The following AGO1 variants were observed in gnomAD, a reference collection of about 807,000 sequenced individuals.
AGO1 encodes protein argonaute-1.
AGO1 carries 11 observed loss-of-function variants against 109.2 expected under a neutral mutation model. The observed-to-expected ratio is 0.10, with a 90% CI of 0.06 to 0.17. The LOEUF (loss-of-function observed/expected upper bound fraction) is 0.17, where lower values mean the gene tolerates loss of function less well. Ranked by LOEUF, AGO1 falls within the 10% of genes least tolerant of loss-of-function variation. AGO1 has a pLI of 1.00. For synonymous variants in AGO1, 422 were observed against 418.6 expected, an observed-to-expected ratio of 1.01 and a Z score of -0.10; for missense variants, 574 against 1,140.3, an observed-to-expected ratio of 0.50 and a Z score of 7.15.
intron 14 of AGO1, 44 bp downstream of exon 14, chr1:35,914,318 C>T (rs1347370524): frequency 1.3e-6 from 2 of 1,517,500 alleles, no homozygotes; most frequent in Non-Finnish European, 9.1e-7. Flanking sequence ...CTCCTCTTCG[C>T]TCTGAGTCCT....
At position 35,888,713 on chromosome 1, in the gene AGO1, C is replaced by A; in HGVS notation, c.209+103C>A. On this transcript the variant is annotated intron_variant, in intron 2 of 18. Transcript: ENST00000373204. This position sits in a 1 kb window ranked among gnomAD's most constrained non-coding sequence, Gnocchi z 4.1. The stretch of plus-strand genomic sequence containing the variant: ...CCAGTAGAGGGTAGTATCACCAAAT[C>A]TAAGGAAGTTTTTGAACGGGAGATG... 1 of 1,342,866 alleles carries A rather than the reference C, an allele frequency of 7.4e-7. No homozygotes were observed. Among genetic ancestry groups the A allele is most frequent in the Non-Finnish European group, 1.0e-6 (1 of 995,262 alleles). 83.2% of individuals were successfully genotyped at this position (1,342,866 alleles called of 1,614,324 possible).
Position 35,919,123 on chromosome 1 carries a change from G to T in AGO1, c.2334G>T (p.Gln778His), listed in dbSNP as rs753905238. The part of the protein sequence containing the change: ...DDNRFTADEL[Q>H]ILTYQLCHTY... Reference sequence around the variant, plus strand: ...ACCGTTTCACAGCAGATGAGCTCCAGATCCTGACGTACCAGCTGTGCCACA... The same window carrying T: ...ACCGTTTCACAGCAGATGAGCTCCATATCCTGACGTACCAGCTGTGCCACA... The change falls in exon 18 of 19, where the codon CAG becomes CAT. Residue 778 changes from glutamine to histidine, a missense_variant. Gln to His is a conservative substitution (Grantham distance 24, BLOSUM62 0). Transcript: ENST00000373204. This position sits in a 1 kb window ranked among gnomAD's most constrained non-coding sequence, Gnocchi z 6.6. 6.2e-7 allele frequency: 1 copy of T among 1,614,168 alleles called. No individual in the cohort carries two copies.
intron 1 of AGO1, among the ~76,000 whole-genome samples, chr1:35,876,595 A>G (rs1029270414): frequency 3.6e-4 from 55 of 152,154 alleles, no homozygotes. Flanking sequence ...GAACAAAGAA[A>G]GTGATTTCTT....
upstream of AGO1, chr1:35,882,779 C>T (rs1645050408): frequency 1.0e-6 from 1 of 983,548 alleles, no homozygotes; most frequent in Non-Finnish European, 1.2e-6. The surrounding 1 kb of genome is among the most constrained non-coding windows in gnomAD (Gnocchi z 5.1). Flanking sequence ...TTCGTGGAGG[C>T]AGTCGCTTTG....
Position 35,883,329 on chromosome 1 carries a change from G to T in AGO1, c.-93G>T. 6.6e-7 allele frequency: 1 copy of T among 1,524,546 alleles called. No individual in the cohort carries two copies. The highest frequency in any genetic ancestry group is 8.7e-7 in the Non-Finnish European group (1 of 1,143,056). 94.4% of individuals were successfully genotyped at this position (1,524,546 alleles called of 1,614,324 possible). On this transcript the variant is annotated 5_prime_UTR_variant, in exon 1 of 19. Coordinates refer to ENST00000373204, the MANE Select transcript of AGO1 (RefSeq NM_012199.5). This position sits in a 1 kb window ranked among gnomAD's most constrained non-coding sequence, Gnocchi z 5.4. ...TTGGTAGGGGAGCCGAGCCCGGCCC[G>T]GGATCCCGAGCAGCGAGAGTGTGGG... is the stretch of plus-strand genomic sequence containing the variant.
chr1:35,909,269 G>C (rs1316485082), intron 12 of AGO1, among the ~76,000 whole-genome samples: 1 of 152,158 alleles, frequency 6.6e-6, no homozygotes. Flanking sequence ...CTGTTCACTT[G>C]CCACTCATAC....
chr1:35,906,074 G>T (rs1328635153), intron 11 of AGO1, among the ~76,000 whole-genome samples: 1 of 152,102 alleles, frequency 6.6e-6, no homozygotes, highest in Admixed American at 6.6e-5. Flanking sequence ...CAGTTTTTGA[G>T]TATCTTTATG....
At position 35,919,713 on chromosome 1, in the gene AGO1, G is replaced by A; in HGVS notation, c.*106G>A. The A allele has an allele frequency of 9.5e-7, 1 of 1,050,118 alleles. No individual in the cohort carries two copies. 65.1% of individuals were successfully genotyped at this position (1,050,118 alleles called of 1,614,324 possible). On this transcript the variant is annotated 3_prime_UTR_variant, in exon 19 of 19. Coordinates refer to ENST00000373204, the MANE Select transcript of AGO1 (RefSeq NM_012199.5). The surrounding 1 kb of genome is among the most constrained non-coding windows in gnomAD (Gnocchi z 6.6). Reference sequence around the variant, plus strand: ...AAGGAGGAGGGAGGTGGGGTAGGGAGGAGTGTAGGATGCCTTGTTTCCTTC... The same window carrying A: ...AAGGAGGAGGGAGGTGGGGTAGGGAAGAGTGTAGGATGCCTTGTTTCCTTC...
At chr1:35,889,131 T>G (rs140324009) in intron 2 of AGO1, among the ~76,000 whole-genome samples, 2 of 150,762 alleles carry the variant, frequency 1.3e-5, no homozygotes, top group Non-Finnish European at 2.9e-5. Flanking sequence ...AGAAGGACGT[T>G]GTAGGATGCA....
Position 35,924,143 on chromosome 1 carries a change from T to C in AGO1, c.*4536T>C, listed in dbSNP as rs1324961860. 2.0e-5 allele frequency: 3 copies of C among 152,826 alleles called. No individual in the cohort carries two copies. Among genetic ancestry groups the C allele is most frequent in the African/African-American group, 7.2e-5 (3 of 41,466 alleles). 9.5% of individuals were successfully genotyped at this position (152,826 alleles called of 1,614,324 possible). ...TTTGTTTCCCTTTGAGATTTGTGTTTGTGTCCTGCTTTGAGCTGTACCTTG... is the reference window on the plus strand; with the variant it reads ...TTTGTTTCCCTTTGAGATTTGTGTTCGTGTCCTGCTTTGAGCTGTACCTTG... On this transcript the variant is annotated 3_prime_UTR_variant, in exon 19 of 19. Transcript: ENST00000373204.
chr1:35,877,351 C>T (rs546530678), intron 1 of AGO1, among the ~76,000 whole-genome samples: 1 of 152,246 alleles, frequency 6.6e-6, no homozygotes, highest in Admixed American at 6.5e-5. Context: ...CTATTTCTCA[C>T]TTCATACTTT....
chr1:35,877,781 C>T (rs1346147534), intron 1 of AGO1, among the ~76,000 whole-genome samples: 1 of 151,586 alleles, frequency 6.6e-6, no homozygotes, highest in African/African-American at 2.4e-5. Flanking sequence ...GCAACCTCTG[C>T]CCCCTGAGTT....
intron 7 of AGO1, 60 bp downstream of exon 7, chr1:35,894,462 C>G: frequency 6.6e-7 from 1 of 1,515,314 alleles, no homozygotes; most frequent in South Asian, 1.2e-5. Context: ...AGATTTAAAA[C>G]TATCTTTCCC....
At position 35,901,708 on chromosome 1, in the gene AGO1, C is replaced by A; in HGVS notation, c.1140+115C>A. ...CCAAGTCTAGATTTGTTGCCTAGGA[C>A]TGTATAAGGCTGCTTTTGCTTCTTG... On this transcript the variant is annotated intron_variant, in intron 9 of 18. Transcript: ENST00000373204. The surrounding 1 kb of genome is among the most constrained non-coding windows in gnomAD (Gnocchi z 4.8). 1 of 1,489,944 alleles carries A rather than the reference C, an allele frequency of 6.7e-7. No homozygotes were observed. The highest frequency in any genetic ancestry group is 1.3e-5 in the South Asian group (1 of 79,456). The allele number at this position is 1,489,944 out of a possible 1,614,324, so 92.3% of individuals were successfully genotyped here.
chr1:35,919,284 T>C lies in AGO1; in HGVS notation c.2465+30T>C, dbSNP rs766306492. On this transcript the variant is annotated intron_variant, in intron 18 of 18. Transcript: ENST00000373204. This position sits in a 1 kb window ranked among gnomAD's most constrained non-coding sequence, Gnocchi z 6.6. Reference sequence around the variant, plus strand: ...GGCCTGGGATCAGGTTGGCCTCCTTTTTGCTTCAGCCTATTGTGCCAGATC... The same window carrying C: ...GGCCTGGGATCAGGTTGGCCTCCTTCTTGCTTCAGCCTATTGTGCCAGATC... 3.1e-6 allele frequency: 5 copies of C among 1,600,246 alleles called. No individual in the cohort carries two copies. The East Asian group carries it at 1.1e-4, about 36-fold the overall frequency.
chr1:35,910,686 T>G (rs1645617107), intron 12 of AGO1, among the ~76,000 whole-genome samples: 1 of 152,262 alleles, frequency 6.6e-6, no homozygotes, highest in South Asian at 2.1e-4. Flanking sequence ...TTATAGTTTT[T>G]CCATCATATG....
chr1:35,879,920 G>C (rs1025475317), upstream of AGO1, among the ~76,000 whole-genome samples: 7 of 152,066 alleles, frequency 4.6e-5, no homozygotes, highest in African/African-American at 1.7e-4. Flanking sequence ...AGTGACTACT[G>C]CCTTTGCACA....
chr1:35,870,071 T>C (rs1571329256), intron 1 of AGO1, among the ~76,000 whole-genome samples: 1 of 151,982 alleles, frequency 6.6e-6, no homozygotes, highest in East Asian at 1.9e-4. Flanking sequence ...CTGTCAGCCT[T>C]CTCTTAAACC....
At chr1:35,912,816 C>T (rs535315468) in intron 12 of AGO1, among the ~76,000 whole-genome samples, 2 of 152,278 alleles carry the variant, frequency 1.3e-5, no homozygotes, top group South Asian at 4.1e-4. Context: ...TCGTGATCCA[C>T]CCACCTGAGC....
Sources: allele counts gnomAD v4.1 joint callset (sites outside exome capture counted in the v4.1 genomes callset), GRCh38; gene constraint gnomAD v4.1.1; non-coding constraint Gnocchi (gnomAD v3.1); transcripts MANE v1.5; gene names NCBI Gene and HGNC (gene_info 2026-07-23, HGNC 2026-07-21).